TUB: variants seen among roughly 807,000 people sequenced by gnomAD.
TUB encodes the protein tubby protein homolog.
TUB carries 33 observed loss-of-function variants against 59.7 expected under a neutral mutation model. That is an observed-to-expected ratio of 0.55 (90% confidence interval 0.42 to 0.74). The LOEUF is 0.74. Among genes scored for constraint, TUB ranks in the 30% least tolerant of loss-of-function variants. The pLI is 0.00. For missense variants in TUB, 659 were observed against 672.0 expected (o/e 0.98, Z 0.21); for synonymous variants, 293 against 256.4 (o/e 1.14, Z -1.36).
At chr11:8,024,593 T>G (rs1056469037) in intron 1 of TUB, among the ~76,000 whole-genome samples, 2 of 152,186 alleles carry the variant, frequency 1.3e-5, no homozygotes, top group African/African-American at 4.8e-5. Context: ...CTTCAATCAC[T>G]CCCTTGTGGG....
rs762488287 is a variant in TUB at position 8,081,562 on chromosome 11, G to A, written c.38+14G>A. 25 of 1,530,750 alleles carry A rather than the reference G, an allele frequency of 1.6e-5. No homozygotes were observed. Among genetic ancestry groups the A allele is most frequent in the Non-Finnish European group, 2.1e-5 (24 of 1,143,860 alleles). The allele number at this position is 1,530,750 out of a possible 1,614,324, so 94.8% of individuals were successfully genotyped here. On this transcript the variant is annotated intron_variant, in intron 1 of 11. Coordinates refer to ENST00000299506, the MANE Select transcript of TUB (RefSeq NM_177972.3). ...GATTCCCTACAGGTACGCGGGCGCC[G>A]GGCCGGGGCGCCCACCACTCCCGAC...
At position 8,101,856 on chromosome 11, in the gene TUB, G is replaced by GA; in HGVS notation, c.*237_*238insA. The stretch of plus-strand genomic sequence containing the variant: ...AAGGGATGAGAATAATTCTTTCCAT[G>GA]CCACGAGATCAACACACACTCCCAC... On this transcript the variant is annotated 3_prime_UTR_variant, in exon 12 of 12. Coordinates refer to ENST00000299506, the MANE Select transcript of TUB (RefSeq NM_177972.3). 2 of 482,850 alleles carry GA rather than the reference G, an allele frequency of 4.1e-6. No homozygotes were observed. Among genetic ancestry groups the GA allele is most frequent in the South Asian group, 3.7e-5 (1 of 26,824 alleles). The allele number at this position is 482,850 out of a possible 1,614,324, so 29.9% of individuals were successfully genotyped here.
At position 8,100,229 on chromosome 11, in the gene TUB, A is replaced by G. The variant is rs149008117; in HGVS notation, c.1117-274A>G. Among the ~76,000 whole-genome samples the G allele has an allele frequency of 2.1e-3, 321 of 152,314 alleles. 1 individual carries two copies. The highest frequency in any genetic ancestry group is 3.9e-3 in the Non-Finnish European group (267 of 68,036). ...ATGGATTAGACGTAGGATGTAGAAG[A>G]GAGGACTCGAGTGTGACCAAGTAGT... On this transcript the variant is annotated intron_variant, in intron 9 of 11. Transcript: ENST00000299506.
intron 4 of TUB, 117 bp downstream of exon 4, chr11:8,094,306 C>T (rs1564920376): frequency 2.3e-6 from 3 of 1,301,158 alleles, no homozygotes; most frequent in Middle Eastern, 2.6e-4. Context: ...TCAGGGAAGA[C>T]ACAGACTGCC....
rs149188683 is a variant in TUB at position 8,097,657 on chromosome 11, T to C, written c.886-57T>C. 2.5e-3 allele frequency: 3,665 copies of C among 1,487,136 alleles called. 8 individuals are homozygous for C. Among genetic ancestry groups the C allele is most frequent in the Middle Eastern group, 5.2e-3 (30 of 5,734 alleles). The allele number at this position is 1,487,136 out of a possible 1,614,324, so 92.1% of individuals were successfully genotyped here. On this transcript the variant is annotated intron_variant, in intron 7 of 11. Coordinates refer to ENST00000299506, the MANE Select transcript of TUB (RefSeq NM_177972.3). ...AGAGAGTCTGTGTGAGTGGCTCTCA[T>C]GACTGTGTGCAGACCAGAGGCTGAG...
chr11:8,036,483 C>T (rs12416828), upstream of TUB, among the ~76,000 whole-genome samples: 5,429 of 152,326 alleles, frequency 0.036, 148 homozygotes, highest in Non-Finnish European at 0.054. Flanking sequence ...ATTCAGTGCA[C>T]TAATGCAAAG....
chr11:8,059,507 C>T (rs1247592358), intron 2 of TUB, among the ~76,000 whole-genome samples: 3 of 151,976 alleles, frequency 2.0e-5, no homozygotes, highest in Admixed American at 6.6e-5. Flanking sequence ...CAGGGTGGTG[C>T]CCGGGAGTAT....
chr11:8,089,725 G>A lies in TUB; in HGVS notation c.90+64G>A. ...GGCTGGGATCTCTGAGGGCAGAGGGGCAGGGCTGTCCATCTTCCCTGGATG... is the reference window on the plus strand; with the variant it reads ...GGCTGGGATCTCTGAGGGCAGAGGGACAGGGCTGTCCATCTTCCCTGGATG... On this transcript the variant is annotated intron_variant, in intron 2 of 11. Coordinates refer to ENST00000299506, the MANE Select transcript of TUB (RefSeq NM_177972.3). 9 of 1,590,154 alleles carry A rather than the reference G, an allele frequency of 5.7e-6. No homozygotes were observed. In the South Asian group the frequency reaches 8.8e-5, roughly 16 times the overall value.
In TUB at chr11:8,095,510, C is replaced by T; in HGVS notation, c.410C>T (p.Pro137Leu). The T allele has an allele frequency of 6.2e-7, 1 of 1,610,280 alleles. No individual in the cohort carries two copies. Among genetic ancestry groups the T allele is most frequent in the Non-Finnish European group, 8.5e-7 (1 of 1,178,210 alleles). The change falls in exon 5 of 12, where the codon CCA becomes CTA. Residue 137 changes from proline to leucine, a missense_variant. Pro to Leu is a moderately conservative substitution (Grantham distance 98). This residue lies in a region of TUB where 321 missense variants were observed against 304.3 expected (regional missense o/e 1.05). Coordinates refer to ENST00000299506, the MANE Select transcript of TUB (RefSeq NM_177972.3). Reference sequence around the variant, plus strand: ...CCGTGGCCTGCAGGCACCAGCGGGCCAGCAGCACTGGCAGAAGACAAGTCT... The same window carrying T: ...CCGTGGCCTGCAGGCACCAGCGGGCTAGCAGCACTGGCAGAAGACAAGTCT... Reference protein sequence around the residue: ...KKGKHKGTSGPAALAEDKSEA... With the variant: ...KKGKHKGTSGLAALAEDKSEA...
chr11:8,100,384 G>T (rs893564341), intron 9 of TUB, 119 bp from the exon 10 acceptor site: 19 of 787,266 alleles, frequency 2.4e-5, no homozygotes, highest in Non-Finnish European at 3.9e-5. Context: ...AGGGATGTGT[G>T]TTAGACTTCG....
chr11:8,023,042 CT>C (rs1554919395), intron 1 of TUB, among the ~76,000 whole-genome samples: 1 of 152,236 alleles, frequency 6.6e-6, no homozygotes, highest in Non-Finnish European at 1.5e-5. Flanking sequence ...CCAGGCTCAG[CT>C]TTTCTGGGTT....
chr11:8,035,874 C>A (rs1210678787), upstream of TUB: 1 of 152,284 alleles, frequency 6.6e-6, no homozygotes, highest in Non-Finnish European at 1.5e-5. Flanking sequence ...CTGTGGTGAT[C>A]TGTTTGTGAC....
intron 1 of TUB, among the ~76,000 whole-genome samples, chr11:8,020,000 C>T (rs933314535): frequency 2.0e-5 from 3 of 152,200 alleles, no homozygotes; most frequent in African/African-American, 7.2e-5. Flanking sequence ...AGCTGCGCTC[C>T]CCACGCACTC....
chr11:8,090,029 G>C (rs1302303740), intron 2 of TUB, 40 bp from the exon 3 acceptor site: 1 of 1,545,968 alleles, frequency 6.5e-7, no homozygotes, highest in Non-Finnish European at 8.7e-7. Context: ...CGCCCTTCCT[G>C]GTGGAGGCAG....
chr11:8,034,747 C>T (rs1251708914), upstream of TUB, among the ~76,000 whole-genome samples: 3 of 152,212 alleles, frequency 2.0e-5, no homozygotes, highest in African/African-American at 7.2e-5. Flanking sequence ...TGCCCACCCC[C>T]TCCATTCCCC....
At chr11:8,044,939 C>T (rs1366015374) in intron 2 of TUB, among the ~76,000 whole-genome samples, 1 of 152,190 alleles carries the variant, frequency 6.6e-6, no homozygotes, top group Non-Finnish European at 1.5e-5. Context: ...CATGACTTCT[C>T]CAGGTGTGCC....
intron 1 of TUB, among the ~76,000 whole-genome samples, chr11:8,025,532 C>G: frequency 6.6e-6 from 1 of 152,310 alleles, no homozygotes; most frequent in African/African-American, 2.4e-5. Context: ...CAGGGAACCA[C>G]TGATCTGATT....
chr11:8,098,889 T>C lies in TUB; in HGVS notation c.1116+14T>C. 6.3e-7 allele frequency: 1 copy of C among 1,576,564 alleles called. No individual in the cohort carries two copies. The highest frequency in any genetic ancestry group is 1.1e-5 in the South Asian group (1 of 90,154). On this transcript the variant is annotated intron_variant, in intron 9 of 11. Coordinates refer to ENST00000299506, the MANE Select transcript of TUB (RefSeq NM_177972.3). ...GCTGTGTGCTACGTGAGTCCTAGGT[T>C]CGGGGGTCTCTGATTTCCAAGGTAG...
At chr11:8,050,312 T>G (rs1942913190) in intron 2 of TUB, among the ~76,000 whole-genome samples, 1 of 152,268 alleles carries the variant, frequency 6.6e-6, no homozygotes. Flanking sequence ...ACATATCTTT[T>G]GGTGCATGCG....
Sources: gnomAD v4.1 joint callset for allele counts (sites outside exome capture counted in the v4.1 genomes callset) on GRCh38, gnomAD v4.1.1 for gene constraint, gnomAD v4.1.1 regional missense constraint, MANE v1.5 for transcripts, NCBI Gene and HGNC (gene_info 2026-07-23, HGNC 2026-07-21) for gene names.